MRPL36: variants seen among roughly 807,000 people sequenced by gnomAD.
MRPL36 encodes mitochondrial ribosomal protein L36.
Under a neutral mutation model 2.8 loss-of-function variants are expected in MRPL36, and 1 was observed. The observed-to-expected ratio is 0.36, with a 90% CI of 0.13 to 1.69. The LOEUF is 1.69. Among genes scored for constraint, MRPL36 ranks in the 40% most tolerant of loss-of-function variants. The pLI is 0.35. For missense variants in MRPL36, 148 were observed against 132.7 expected (o/e 1.12, Z -0.57); for synonymous variants, 68 against 54.8 (o/e 1.24, Z -1.06).
chr5:1,800,574 G>A (rs778111603), upstream of MRPL36, among the ~76,000 whole-genome samples: 3 of 150,180 alleles, frequency 2.0e-5, no homozygotes, highest in Non-Finnish European at 4.4e-5. Context: ...TGGGACCGGA[G>A]GTTTTCATGT....
chr5:1,799,129 C>T (rs905348984), intron 1 of MRPL36, 182 bp from the exon 2 acceptor site: 4 of 551,066 alleles, frequency 7.3e-6, no homozygotes, highest in African/African-American at 1.9e-5. Context: ...CCAAGTGTGC[C>T]AGGAGAATAA....
At chr5:1,799,132 G>T in intron 1 of MRPL36, 185 bp from the exon 2 acceptor site, 1 of 541,216 alleles carries the variant, frequency 1.8e-6, no homozygotes. Context: ...AGTGTGCCAG[G>T]AGAATAAGGG....
In MRPL36 at chr5:1,798,502, A is replaced by T; in HGVS notation, c.*122T>A. 1.1e-6 allele frequency: 1 copy of T among 877,450 alleles called. No individual in the cohort carries two copies. Among genetic ancestry groups the T allele is most frequent in the Non-Finnish European group, 1.8e-6 (1 of 569,522 alleles). 54.4% of individuals were successfully genotyped at this position (877,450 alleles called of 1,614,324 possible). ...CACTGAAACGTGATGGGTAACTTTTAGGGCGTTTGCTTCCAGTCACTTTCC... is the reference window on the plus strand; with the variant it reads ...CACTGAAACGTGATGGGTAACTTTTTGGGCGTTTGCTTCCAGTCACTTTCC... On this transcript the variant is annotated 3_prime_UTR_variant, in exon 2 of 2. Coordinates refer to ENST00000505059, the MANE Select transcript of MRPL36 (RefSeq NM_032479.4).
chr5:1,801,066 G>C (rs1734022911), upstream of MRPL36, among the ~76,000 whole-genome samples: 1 of 152,226 alleles, frequency 6.6e-6, no homozygotes, highest in African/African-American at 2.4e-5. Context: ...AATCGCTGAA[G>C]GTTTCGCACA....
intron 1 of MRPL36, chr5:1,799,307 G>A (rs545913414): frequency 6.0e-4 from 100 of 166,324 alleles, no homozygotes; most frequent in Non-Finnish European, 1.0e-3. Context: ...CAACTGATGA[G>A]CTCCTCCCTC....
intron 1 of MRPL36, 74 bp from the exon 2 acceptor site, chr5:1,799,021 T>G: frequency 8.0e-7 from 1 of 1,254,344 alleles, no homozygotes; most frequent in Non-Finnish European, 1.1e-6. Context: ...TCCTTTTCTC[T>G]GTTTCACTGA....
chr5:1,799,498 C>A (rs1485861813), intron 1 of MRPL36: 1 of 152,282 alleles, frequency 6.6e-6, no homozygotes, highest in Non-Finnish European at 1.5e-5. Context: ...GAGGACACTG[C>A]GGCACCGGAG....
rs548829962 is a variant in MRPL36 at position 1,798,786 on chromosome 5, T to C, written c.150A>G (p.Ser50=). Reference sequence around the variant, plus strand: ...GGGGCAGGAGGCCGGGTGAGAGAAGTGAGCGCACTGCTGCCCCGGGTTCCA... The same window carrying C: ...GGGGCAGGAGGCCGGGTGAGAGAAGCGAGCGCACTGCTGCCCCGGGTTCCA... The part of the protein sequence containing the change: ...VAVEPGAAVR[S]LLSPGLLPHL... The change falls in exon 2 of 2, where the codon TCA becomes TCG. Residue 50 remains serine (S), a synonymous_variant. Transcript: ENST00000505059. The C allele has an allele frequency of 3.1e-6, 5 of 1,613,934 alleles. No homozygotes were observed. The African/African-American group carries it at 6.7e-5, about 22-fold the overall frequency.
At chr5:1,800,824 A>G (rs573834380), upstream of MRPL36, among the ~76,000 whole-genome samples, 31 of 152,288 alleles carry the variant, frequency 2.0e-4, no homozygotes, top group African/African-American at 6.3e-4. Context: ...TGTTGCAGAA[A>G]TCCCCAATAT....
At chr5:1,800,299 T>C (rs1733998162), upstream of MRPL36, among the ~76,000 whole-genome samples, 1 of 147,840 alleles carries the variant, frequency 6.8e-6, no homozygotes, top group Admixed American at 6.7e-5. Context: ...TGAACACCCA[T>C]ATACTTGCCA....
In MRPL36 at chr5:1,798,806, G is replaced by C. The variant is rs185081087; in HGVS notation, c.130C>G (p.Pro44Ala). 5.8e-5 allele frequency: 93 copies of C among 1,614,132 alleles called. No homozygotes were observed. Among genetic ancestry groups the C allele is most frequent in the Middle Eastern group, 3.3e-4 (2 of 6,062 alleles). Residue 44 changes from proline to alanine, a missense_variant, in exon 2 of 2, where the codon CCC (proline) becomes GCC (alanine). Physicochemically the swap from Pro to Ala is conservative, Grantham distance 27. Transcript: ENST00000505059. ...IRGAAPVAVEPGAAVRSLLSP... is the reference protein window; with the variant it reads ...IRGAAPVAVEAGAAVRSLLSP... ...AGAAGTGAGCGCACTGCTGCCCCGGGTTCCACAGCCACGGGGGCTGCACCT... is the reference window on the plus strand; with the variant it reads ...AGAAGTGAGCGCACTGCTGCCCCGGCTTCCACAGCCACGGGGGCTGCACCT...
At chr5:1,800,976 A>C (rs750164725), upstream of MRPL36, among the ~76,000 whole-genome samples, 2 of 152,222 alleles carry the variant, frequency 1.3e-5, no homozygotes, top group Non-Finnish European at 2.9e-5. Flanking sequence ...ATTATCGGTT[A>C]CCATAAGAAT....
chr5:1,798,988 A>G, intron 1 of MRPL36, 41 bp from the exon 2 acceptor site: 1 of 1,443,478 alleles, frequency 6.9e-7, no homozygotes, highest in Non-Finnish European at 9.4e-7. Context: ...CTTCTCCTGC[A>G]CTTCCACCTG....
upstream of MRPL36, chr5:1,801,333 CCG>C (rs1734032238): frequency 3.9e-6 from 6 of 1,536,308 alleles, no homozygotes; most frequent in East Asian, 1.4e-4. Context: ...GAAATAAATA[CCG>C]GGTGTTTGGC....
At chr5:1,799,061 G>T (rs1277268243) in intron 1 of MRPL36, 114 bp from the exon 2 acceptor site, 15 of 799,516 alleles carry the variant, frequency 1.9e-5, no homozygotes, top group Admixed American at 1.2e-4. Context: ...CTCGGGGACT[G>T]AGGGTGTTCC....
In MRPL36 at chr5:1,798,688, T is replaced by C. The variant is rs1377891387; in HGVS notation, c.248A>G (p.Lys83Arg). Residue 83 changes from lysine to arginine, a missense_variant, in exon 2 of 2, where the codon AAG becomes AGG. Lys to Arg is a conservative substitution (Grantham distance 26). Transcript: ENST00000505059. ...GTAGACGTACCACCGACCCCGCCTC[T>C]TCACCAGGTAACAGTCCTTGCAGCG... Reference protein sequence around the residue: ...KKRCKDCYLVKRRGRWYVYCK... With the variant: ...KKRCKDCYLVRRRGRWYVYCK... 6.2e-7 allele frequency: 1 copy of C among 1,613,774 alleles called. No individual in the cohort carries two copies. Among genetic ancestry groups the C allele is most frequent in the Non-Finnish European group, 8.5e-7 (1 of 1,179,856 alleles).
chr5:1,798,713 G>A lies in MRPL36; in HGVS notation c.223C>T (p.Arg75Cys), dbSNP rs1313962524. 9.9e-6 allele frequency: 16 copies of A among 1,613,938 alleles called. No homozygotes were observed. The highest frequency in any genetic ancestry group is 1.3e-5 in the African/African-American group (1 of 75,014). Residue 75 changes from arginine (R) to cysteine (C), a missense_variant, in exon 2 of 2, where the codon CGC becomes TGC. Coordinates refer to ENST00000505059, the MANE Select transcript of MRPL36 (RefSeq NM_032479.4). ...TTCACCAGGTAACAGTCCTTGCAGCGCTTCTTAAGGACAGTCTTGTTTTTG... is the reference window on the plus strand; with the variant it reads ...TTCACCAGGTAACAGTCCTTGCAGCACTTCTTAAGGACAGTCTTGTTTTTG... Reference protein sequence around the residue: ...GFKNKTVLKKRCKDCYLVKRR... With the variant: ...GFKNKTVLKKCCKDCYLVKRR...
At chr5:1,800,100 A>T (rs1733992925), upstream of MRPL36, among the ~76,000 whole-genome samples, 1 of 152,252 alleles carries the variant, frequency 6.6e-6, no homozygotes, top group Non-Finnish European at 1.5e-5. Context: ...CTTAGGCCTT[A>T]GAAAAAACTG....
Position 1,798,832 on chromosome 5 carries a change from C to T in MRPL36, c.104G>A (p.Arg35Gln), listed in dbSNP as rs748671214. ...TTCCACAGCCACGGGGGCTGCACCT[C>T]GAATGGATCCAAATAGAAATGTGGA... The part of the protein sequence containing the change: ...ALSTFLFGSI[R>Q]GAAPVAVEPG... The change falls in exon 2 of 2, where the codon CGA becomes CAA. Residue 35 changes from arginine to glutamine, a missense_variant. Physicochemically the swap from Arg to Gln is conservative, Grantham distance 43 (BLOSUM62 1). Coordinates refer to ENST00000505059, the MANE Select transcript of MRPL36 (RefSeq NM_032479.4). 7 of 1,614,016 alleles carry T rather than the reference C, an allele frequency of 4.3e-6. No homozygotes were observed. Among genetic ancestry groups the T allele is most frequent in the Non-Finnish European group, 5.9e-6 (7 of 1,180,008 alleles).
Sources: gnomAD v4.1 joint callset for allele counts (sites outside exome capture counted in the v4.1 genomes callset) on GRCh38, gnomAD v4.1.1 for gene constraint, MANE v1.5 for transcripts, NCBI Gene and HGNC (gene_info 2026-07-23, HGNC 2026-07-21) for gene names.